The following CDH13 variants were observed in gnomAD, a reference collection of about 807,000 sequenced individuals.
CDH13 encodes the protein cadherin-13.
A neutral mutation model predicts 63.8 loss-of-function variants in CDH13; 24 were observed. The observed-to-expected ratio is 0.38, with a 90% CI of 0.27 to 0.53. The LOEUF is 0.53. Among genes scored for constraint, CDH13 ranks in the 20% least tolerant of loss-of-function variants. CDH13 has a pLI of 0.85. For missense variants in CDH13, 1,049 were observed against 903.1 expected (o/e 1.16, Z -2.07); for synonymous variants, 503 against 355.3 (o/e 1.42, Z -4.67).
At chr16:83,245,082 C>G (rs921653590) in intron 5 of CDH13, among the ~76,000 whole-genome samples, 2 of 151,196 alleles carry the variant, frequency 1.3e-5, no homozygotes, top group Admixed American at 6.6e-5. Flanking sequence ...ATAGCAGTCC[C>G]ACACTTGCTA....
chr16:82,651,980 T>G (rs1232553538), intron 1 of CDH13, among the ~76,000 whole-genome samples: 1 of 152,210 alleles, frequency 6.6e-6, no homozygotes, highest in Non-Finnish European at 1.5e-5. Flanking sequence ...TCAGAACAAG[T>G]TGGAGCTTTT....
At chr16:82,950,047 A>C (rs1465974792) in intron 2 of CDH13, among the ~76,000 whole-genome samples, 1 of 152,154 alleles carries the variant, frequency 6.6e-6, no homozygotes, top group Non-Finnish European at 1.5e-5. Context: ...GTCTTAGTTC[A>C]CTAGGGCTCC....
intron 4 of CDH13, among the ~76,000 whole-genome samples, chr16:83,216,986 T>TTTTTG (rs1258774233): frequency 6.6e-6 from 1 of 152,080 alleles, no homozygotes; most frequent in African/African-American, 2.4e-5. Flanking sequence ...TCCATTACCT[T>TTTTTG]TTTTGTTTTG....
intron 10 of CDH13, among the ~76,000 whole-genome samples, chr16:83,697,321 C>A (rs1045972567): frequency 1.3e-5 from 2 of 152,134 alleles, no homozygotes; most frequent in African/African-American, 4.8e-5. Context: ...TTTTTGTGAT[C>A]TGTTTAGTGC....
At chr16:82,892,392 C>G (rs892499395) in intron 2 of CDH13, among the ~76,000 whole-genome samples, 10 of 152,158 alleles carry the variant, frequency 6.6e-5, no homozygotes, top group African/African-American at 2.4e-4. Context: ...TGACTGTTTT[C>G]AAAAGTCAAA....
intron 1 of CDH13, among the ~76,000 whole-genome samples, chr16:82,695,702 G>C (rs1373632633): frequency 1.3e-5 from 2 of 152,174 alleles, no homozygotes; most frequent in Non-Finnish European, 2.9e-5. Flanking sequence ...AGACATGATT[G>C]TTAGGTCACT....
intron 6 of CDH13, among the ~76,000 whole-genome samples, chr16:83,481,989 C>T (rs1256935108): frequency 6.6e-6 from 1 of 152,164 alleles, no homozygotes. Flanking sequence ...AGCAGGTGCA[C>T]TGAGGCCCAC....
chr16:83,188,977 A>C (rs8043611), intron 4 of CDH13, among the ~76,000 whole-genome samples: 6,412 of 152,182 alleles, frequency 0.042, 414 homozygotes, highest in African/African-American at 0.14. Context: ...TGACACTGGG[A>C]TCTCAGTCAT....
intron 13 of CDH13, among the ~76,000 whole-genome samples, chr16:83,787,735 G>A (rs1476618525): frequency 2.0e-5 from 3 of 152,302 alleles, no homozygotes; most frequent in East Asian, 3.9e-4. Flanking sequence ...TTGAGGTCAG[G>A]AGTTCAAGAC....
At chr16:83,709,515 C>G (rs1207937795) in intron 10 of CDH13, among the ~76,000 whole-genome samples, 2 of 152,238 alleles carry the variant, frequency 1.3e-5, no homozygotes, top group African/African-American at 2.4e-5. Flanking sequence ...GGAATTGCAT[C>G]ATAATCATCC....
intron 2 of CDH13, among the ~76,000 whole-genome samples, chr16:82,989,355 G>A (rs1597367190): frequency 6.6e-6 from 1 of 152,156 alleles, no homozygotes; most frequent in East Asian, 1.9e-4. Flanking sequence ...CACTGATTTT[G>A]AATCTTAGCT....
chr16:83,244,090 C>T (rs932820475), intron 5 of CDH13, among the ~76,000 whole-genome samples: 1 of 151,890 alleles, frequency 6.6e-6, no homozygotes, highest in African/African-American at 2.4e-5. Context: ...GAGCTTTCTG[C>T]TTGGTGAAGG....
rs539937980 is a variant in CDH13, at chr16:83,495,995, C to T, written c.960+9340C>T. 2.9e-3 allele frequency among the ~76,000 whole-genome samples: 434 copies of T among 150,988 alleles called. 4 individuals carry two copies. The highest frequency in any genetic ancestry group is 0.01 in the African/African-American group (425 of 41,022). ...TCAAGGAGAACTACAAACCACTGCT[C>T]AAGGAAATAAAAGAGGATACAAACA... On this transcript the variant is annotated intron_variant, in intron 7 of 13. Transcript: ENST00000567109.
At chr16:82,902,122 G>A (rs1334239911) in intron 2 of CDH13, among the ~76,000 whole-genome samples, 1 of 152,106 alleles carries the variant, frequency 6.6e-6, no homozygotes, top group African/African-American at 2.4e-5. Context: ...TTTAAAGCAG[G>A]AAAGAACTAA....
intron 2 of CDH13, among the ~76,000 whole-genome samples, chr16:82,868,566 A>AGT (rs1263796572): frequency 1.3e-5 from 2 of 152,206 alleles, no homozygotes; most frequent in African/African-American, 4.8e-5. Context: ...AAGAAGTAAC[A>AGT]GAGTGAGAAG....
At chr16:83,325,065 G>A (rs1473733573) in intron 5 of CDH13, among the ~76,000 whole-genome samples, 1 of 152,128 alleles carries the variant, frequency 6.6e-6, no homozygotes, top group Admixed American at 6.5e-5. Flanking sequence ...CCATCAGACA[G>A]ACCTTCTCTG....
chr16:83,520,556 C>T (rs1194530144), intron 7 of CDH13, among the ~76,000 whole-genome samples: 3 of 152,224 alleles, frequency 2.0e-5, no homozygotes, highest in African/African-American at 4.8e-5. Context: ...CTCTGTGTCT[C>T]GACGTCATTG....
rs533548075 is a variant in CDH13, at chr16:82,705,368, C to T, written c.45+78231C>T. The T allele has an allele frequency of 2.0e-4, 64 of 323,410 alleles. 1 individual carries two copies. The highest frequency in any genetic ancestry group is 9.1e-4 in the African/African-American group (42 of 46,250). The allele number at this position is 323,410 out of a possible 1,614,324, so 20.0% of individuals were successfully genotyped here. ...GAGATATAACAATTAGAATTCAATA[C>T]GCTAATACAGTGTCTCATTAGCCAA... On this transcript the variant is annotated intron_variant, in intron 1 of 13. Transcript: ENST00000567109.
intron 4 of CDH13, among the ~76,000 whole-genome samples, chr16:83,198,237 C>T (rs1162050782): frequency 6.6e-6 from 1 of 151,950 alleles, no homozygotes; most frequent in Non-Finnish European, 1.5e-5. Context: ...CAATTTACAG[C>T]ACTCTTTTTA....
Sources: gnomAD v4.1 joint callset for allele counts (sites outside exome capture counted in the v4.1 genomes callset) on GRCh38, gnomAD v4.1.1 for gene constraint, MANE v1.5 for transcripts, NCBI Gene and HGNC (gene_info 2026-07-23, HGNC 2026-07-21) for gene names.